The following SFI1 variants were observed in gnomAD, a reference collection of about 807,000 sequenced individuals.
SFI1 encodes SFI1 centrin binding protein.
A neutral mutation model predicts 207.5 loss-of-function variants in SFI1; 195 were observed. That is an observed-to-expected ratio of 0.94 (90% CI 0.84 to 1.06). The LOEUF (loss-of-function observed/expected upper bound fraction) is 1.06, where lower values mean the gene tolerates loss of function less well. Ranked by LOEUF, SFI1 falls within the 50% of genes least tolerant of loss-of-function variation. The pLI is 0.00. For missense variants in SFI1, 1,634 were observed against 1,588.0 expected, an observed-to-expected ratio of 1.03 and a Z score of -0.49; for synonymous variants, 630 against 598.9, an observed-to-expected ratio of 1.05 and a Z score of -0.76.
intron 4 of SFI1, among the ~76,000 whole-genome samples, chr22:31,531,486 G>T (rs142661463): frequency 6.6e-6 from 1 of 152,176 alleles, no homozygotes; most frequent in African/African-American, 2.4e-5. Flanking sequence ...CAGGCAGGGC[G>T]CCGTGGCTCA....
At chr22:31,564,412 C>G (rs77899309) in intron 8 of SFI1, among the ~76,000 whole-genome samples, 3 of 140,676 alleles carry the variant, frequency 2.1e-5, no homozygotes, top group Admixed American at 7.1e-5. Context: ...TCTATACTTG[C>G]AAAAAAAAAA....
chr22:31,536,317 G>A (rs1459024592), intron 4 of SFI1, among the ~76,000 whole-genome samples: 1 of 152,168 alleles, frequency 6.6e-6, no homozygotes, highest in East Asian at 1.9e-4. Flanking sequence ...CTATTTTAGG[G>A]TTCTCCTGTT....
In SFI1 at chr22:31,550,460, G is replaced by A. The variant is rs921333899; in HGVS notation, c.544+112G>A. On this transcript the variant is annotated intron_variant, in intron 6 of 32. Coordinates refer to ENST00000400288, the MANE Select transcript of SFI1 (RefSeq NM_001007467.3). ...AGAGAGGAACTCTAGGCCAAAGGAA[G>A]ATTTGTTTGATTCTCTTTCATATTT... 1.0e-5 allele frequency: 8 copies of A among 762,016 alleles called. No homozygotes were observed. In the African/African-American group the frequency reaches 1.4e-4, roughly 13 times the overall value. The allele number at this position is 762,016 out of a possible 1,614,324, so 47.2% of individuals were successfully genotyped here.
At chr22:31,573,896 T>C (rs1462381357) in intron 9 of SFI1, among the ~76,000 whole-genome samples, 1 of 152,234 alleles carries the variant, frequency 6.6e-6, no homozygotes, top group Non-Finnish European at 1.5e-5. Flanking sequence ...GTAAATGTTA[T>C]TTTTTAACAA....
rs77338200 is a variant in SFI1 at position 31,560,260 on chromosome 22, G to GA, written c.663-1020dup. 1.5e-3 allele frequency among the ~76,000 whole-genome samples: 220 copies of GA among 144,254 alleles called. 1 individual carries two copies. In the East Asian group the frequency reaches 0.031, roughly 20 times the overall value. The allele number at this position is 144,254 out of a possible 152,430, so 94.6% of individuals were successfully genotyped here. A position where few individuals can be genotyped will look rare whatever the true frequency, so the allele number is the denominator to read the frequency against. The stretch of plus-strand genomic sequence containing the variant: ...CTAGAGCAAATTCGAAAATTAGTAG[G>GA]AAAAAAAAAACAAGACTGAAACAAA... On this transcript the variant is annotated intron_variant, in intron 7 of 32. Transcript: ENST00000400288.
chr22:31,502,247 T>C (rs1334728008), intron 1 of SFI1, among the ~76,000 whole-genome samples: 1 of 152,192 alleles, frequency 6.6e-6, no homozygotes, highest in East Asian at 1.9e-4. Flanking sequence ...TCAACTACCT[T>C]TTATGGTAAA....
intron 15 of SFI1, among the ~76,000 whole-genome samples, chr22:31,600,550 A>G (rs1481553177): frequency 6.6e-6 from 1 of 152,126 alleles, no homozygotes; most frequent in Non-Finnish European, 1.5e-5. Context: ...ACCTGGGACA[A>G]CCTCAGTAAA....
At chr22:31,523,617 A>T (rs76817223) in intron 2 of SFI1, among the ~76,000 whole-genome samples, 4,188 of 152,160 alleles carry the variant, frequency 0.028, 149 homozygotes, top group Admixed American at 0.078. Context: ...TGTTATTTCC[A>T]TTTACAGGGG....
At chr22:31,565,808 T>C (rs1259624738) in intron 8 of SFI1, among the ~76,000 whole-genome samples, 1 of 152,124 alleles carries the variant, frequency 6.6e-6, no homozygotes, top group Non-Finnish European at 1.5e-5. Context: ...AACGGTATAT[T>C]TTTGAGGTTT....
intron 29 of SFI1, chr22:31,616,155 G>A (rs62237833): frequency 0.044 from 6,692 of 152,284 alleles, 131 homozygotes; most frequent in Non-Finnish European, 0.05. Flanking sequence ...GGAAGTGACA[G>A]CTGCTCTAAG....
chr22:31,604,770 T>C, intron 19 of SFI1, 99 bp from the exon 20 acceptor site: 1 of 1,114,442 alleles, frequency 9.0e-7, no homozygotes, highest in Non-Finnish European at 1.3e-6. Context: ...TTGAGTTCTC[T>C]GGGCATGGCA....
At position 31,617,089 on chromosome 22, in the gene SFI1, C is replaced by T. The variant is rs769581699; in HGVS notation, c.3512+11C>T. 13 of 1,613,650 alleles carry T rather than the reference C, an allele frequency of 8.1e-6. No homozygotes were observed. The highest frequency in any genetic ancestry group is 1.3e-5 in the African/African-American group (1 of 75,022). ...CAAGCAGAACCTCTGGTGAGCCCTG[C>T]GAAACGCCCTGCAGCCCTGGCTACA... is the stretch of plus-strand genomic sequence containing the variant. On this transcript the variant is annotated intron_variant, in intron 31 of 32. Transcript: ENST00000400288.
At chr22:31,611,050 G>A in intron 22 of SFI1, 93 bp from the exon 23 acceptor site, 1 of 1,540,284 alleles carries the variant, frequency 6.5e-7, no homozygotes, top group South Asian at 1.1e-5. Context: ...CTCTATCCCT[G>A]CACAGCCATC....
rs757135053 is a variant in SFI1 at position 31,556,934 on chromosome 22, G to A, written c.545-8G>A. On this transcript the variant is annotated splice_polypyrimidine_tract_variant and splice_region_variant and intron_variant, in intron 6 of 32. Coordinates refer to ENST00000400288, the MANE Select transcript of SFI1 (RefSeq NM_001007467.3). ...ATGCCTTTTGAAAAATCTCTTTGGT[G>A]AATCTAGATGCAAAGCAAAAGATGC... 5 of 1,581,866 alleles carry A rather than the reference G, an allele frequency of 3.2e-6. No individual in the cohort carries two copies. The East Asian group carries it at 1.1e-4, about 36-fold the overall frequency.
At chr22:31,539,402 GTT>G (rs1321932963) in intron 4 of SFI1, among the ~76,000 whole-genome samples, 1 of 152,134 alleles carries the variant, frequency 6.6e-6, no homozygotes, top group African/African-American at 2.4e-5. Context: ...CACCTATTGA[GTT>G]TGTTTTTCAT....
chr22:31,611,355 T>C, intron 23 of SFI1, 52 bp downstream of exon 23: 1 of 1,537,214 alleles, frequency 6.5e-7, no homozygotes, highest in East Asian at 2.3e-5. Flanking sequence ...GCAAGGGGTG[T>C]CCAGGCCAGG....
At chr22:31,540,407 G>C (rs2059369932) in intron 4 of SFI1, among the ~76,000 whole-genome samples, 1 of 151,526 alleles carries the variant, frequency 6.6e-6, no homozygotes, top group South Asian at 2.1e-4. Context: ...TCAGCCTCCT[G>C]AGTAGCTGAG....
At chr22:31,564,499 A>G (rs188475466) in intron 8 of SFI1, among the ~76,000 whole-genome samples, 3 of 151,556 alleles carry the variant, frequency 2.0e-5, no homozygotes, top group Admixed American at 2.0e-4. Flanking sequence ...CTTGCTCCAG[A>G]ATTTTTTTTA....
rs752283651 is a variant in SFI1 at position 31,575,325 on chromosome 22, C to G, written c.1017C>G (p.His339Gln). ...AWERRESLYA[H>Q]HAQVEKLARK... ...AGCGGAGGGAGAGCTTGTACGCTCA[C>G]CATGCCCAGGTGGAGAAACTGGCCA... The change falls in exon 10 of 33, where the codon CAC becomes CAG. Residue 339 changes from histidine (H) to glutamine (Q), a missense_variant. Coordinates refer to ENST00000400288, the MANE Select transcript of SFI1 (RefSeq NM_001007467.3). The G allele has an allele frequency of 6.2e-7, 1 of 1,613,448 alleles. No homozygotes were observed. The highest frequency in any genetic ancestry group is 2.2e-5 in the East Asian group (1 of 44,854).
Sources: gnomAD v4.1 joint callset for allele counts (sites outside exome capture counted in the v4.1 genomes callset) on GRCh38, gnomAD v4.1.1 for gene constraint, MANE v1.5 for transcripts, NCBI Gene and HGNC (gene_info 2026-07-23, HGNC 2026-07-21) for gene names.